CAMK1D: variants seen among roughly 807,000 people sequenced by gnomAD.
The protein encoded by CAMK1D is calcium/calmodulin dependent protein kinase ID.
A neutral mutation model predicts 47.7 loss-of-function variants in CAMK1D; 9 were observed. That is an observed-to-expected ratio of 0.19 (90% CI 0.11 to 0.33). The LOEUF (loss-of-function observed/expected upper bound fraction) is 0.33. Ranked by LOEUF, CAMK1D falls within the 10% of genes least tolerant of loss-of-function variation. CAMK1D has a pLI of 1.00. For missense variants in CAMK1D, 291 were observed against 488.7 expected (o/e 0.60, Z 3.81); for synonymous variants, 184 against 184.9 (o/e 0.99, Z 0.04).
chr10:12,523,148 G>A (rs941440564), intron 1 of CAMK1D, among the ~76,000 whole-genome samples: 17 of 151,516 alleles, frequency 1.1e-4, no homozygotes, highest in Non-Finnish European at 1.3e-4. Flanking sequence ...TCCCAGACGG[G>A]GTCGCGGCTG....
chr10:12,466,267 A>T (rs576780876), intron 1 of CAMK1D, among the ~76,000 whole-genome samples: 1 of 152,040 alleles, frequency 6.6e-6, no homozygotes, highest in African/African-American at 2.4e-5. Context: ...AATTAGCTGG[A>T]TGTGGTGGTG....
chr10:12,789,352 G>T (rs1837877167), intron 5 of CAMK1D, among the ~76,000 whole-genome samples: 4 of 152,152 alleles, frequency 2.6e-5, no homozygotes, highest in Admixed American at 2.6e-4. Context: ...GACTGAAGAC[G>T]CTCTCACCTT....
At position 12,699,396 on chromosome 10, in the gene CAMK1D, T is replaced by C. The variant is rs1344372478; in HGVS notation, c.299+32586T>C. Among the ~76,000 whole-genome samples the C allele has an allele frequency of 2.0e-5, 3 of 152,158 alleles. No individual in the cohort carries two copies. In the East Asian group the frequency reaches 5.8e-4, roughly 29 times the overall value. ...AGCGTTGTACTGGGAAAGCCGTGTT[T>C]TGTTTCCTGTTACAGTTCTTCAAGG... On this transcript the variant is annotated intron_variant, in intron 3 of 10. Coordinates refer to ENST00000619168, the MANE Select transcript of CAMK1D (RefSeq NM_153498.4).
At chr10:12,710,928 A>G (rs1833915118) in intron 3 of CAMK1D, among the ~76,000 whole-genome samples, 1 of 152,158 alleles carries the variant, frequency 6.6e-6, no homozygotes, top group African/African-American at 2.4e-5. Context: ...GTTTTCATCA[A>G]CTTGTTCAGA....
At chr10:12,424,218 A>C (rs1436425024) in intron 1 of CAMK1D, among the ~76,000 whole-genome samples, 1 of 152,062 alleles carries the variant, frequency 6.6e-6, no homozygotes, top group Admixed American at 6.6e-5. Flanking sequence ...CAGCAAGCCC[A>C]GTGTGAGTCT....
At position 12,458,195 on chromosome 10, in the gene CAMK1D, C is replaced by T. The variant is rs142099719; in HGVS notation, c.93-95030C>T. On this transcript the variant is annotated intron_variant, in intron 1 of 10. Transcript: ENST00000619168. ...ATGCACTGTCTGCTGTTGCACATGC[C>T]GAGGATACAGCTGTCAACAGAAGCA... 1.4e-3 allele frequency among the ~76,000 whole-genome samples: 216 copies of T among 152,190 alleles called. 1 individual carries two copies. The highest frequency in any genetic ancestry group is 4.9e-3 in the African/African-American group (202 of 41,510).
chr10:12,670,793 C>T (rs547849736), intron 3 of CAMK1D, among the ~76,000 whole-genome samples: 125 of 152,318 alleles, frequency 8.2e-4, no homozygotes, highest in Non-Finnish European at 1.5e-3. Flanking sequence ...AGGTGATCCA[C>T]CCACCTCAGC....
intron 1 of CAMK1D, among the ~76,000 whole-genome samples, chr10:12,546,345 G>C (rs373371086): frequency 6.7e-6 from 1 of 149,376 alleles, no homozygotes; most frequent in Non-Finnish European, 1.5e-5. Flanking sequence ...AAACCTGAAC[G>C]TAGTTGGTGA....
chr10:12,771,785 G>A (rs1837051057), intron 5 of CAMK1D, among the ~76,000 whole-genome samples: 1 of 152,214 alleles, frequency 6.6e-6, no homozygotes, highest in East Asian at 1.9e-4. Flanking sequence ...TGTAATCCCA[G>A]CACTTTGAGA....
intron 3 of CAMK1D, among the ~76,000 whole-genome samples, chr10:12,672,089 G>C (rs1840639174): frequency 6.6e-6 from 1 of 150,816 alleles, no homozygotes; most frequent in Non-Finnish European, 1.5e-5. Flanking sequence ...CTAATTTTTT[G>C]TATTTTTAGT....
At chr10:12,557,337 C>T (rs747573614) in intron 2 of CAMK1D, among the ~76,000 whole-genome samples, 7 of 152,138 alleles carry the variant, frequency 4.6e-5, no homozygotes, top group South Asian at 2.1e-4. Flanking sequence ...ATCACGAGGT[C>T]AGGAGATCGA....
At chr10:12,548,447 C>CTTTTTTTTT (rs35061502) in intron 1 of CAMK1D, among the ~76,000 whole-genome samples, 7 of 81,186 alleles carry the variant, frequency 8.6e-5, no homozygotes, top group Non-Finnish European at 1.4e-4. Context: ...CCATTTTAAG[C>CTTTTTTTTT]TTTTTTTTTT....
At chr10:12,509,342 G>A (rs548787152) in intron 1 of CAMK1D, among the ~76,000 whole-genome samples, 37 of 152,276 alleles carry the variant, frequency 2.4e-4, no homozygotes, top group African/African-American at 7.9e-4. Flanking sequence ...ATCATTCCAC[G>A]AGCTGGTCTG....
chr10:12,559,856 C>T (rs904167226), intron 2 of CAMK1D, among the ~76,000 whole-genome samples: 1 of 152,124 alleles, frequency 6.6e-6, no homozygotes, highest in South Asian at 2.1e-4. Flanking sequence ...AGGGTGAGGA[C>T]TGCTAAAGGC....
At chr10:12,788,433 A>C (rs1465593120) in intron 5 of CAMK1D, among the ~76,000 whole-genome samples, 1 of 152,180 alleles carries the variant, frequency 6.6e-6, no homozygotes, top group Admixed American at 6.5e-5. Context: ...TGTGATCTGG[A>C]ACCTAGCGCC....
intron 1 of CAMK1D, among the ~76,000 whole-genome samples, chr10:12,485,429 T>A (rs1280948543): frequency 6.6e-6 from 1 of 152,068 alleles, no homozygotes; most frequent in Non-Finnish European, 1.5e-5. Flanking sequence ...GTGGTGAAGC[T>A]TGGGCCCCAG....
intron 3 of CAMK1D, among the ~76,000 whole-genome samples, chr10:12,715,186 C>T (rs1443608617): frequency 2.0e-5 from 3 of 152,146 alleles, no homozygotes; most frequent in Admixed American, 6.6e-5. Flanking sequence ...ACGTATGAGT[C>T]GTCACAGTTC....
At chr10:12,758,367 AAT>A (rs1400449924) in intron 3 of CAMK1D, among the ~76,000 whole-genome samples, 3 of 98,104 alleles carry the variant, frequency 3.1e-5, no homozygotes, top group Non-Finnish European at 4.6e-5. Context: ...TAGTCATAAA[AAT>A]ATATGACAAT....
intron 2 of CAMK1D, among the ~76,000 whole-genome samples, chr10:12,589,855 G>A (rs1258083373): frequency 6.6e-6 from 1 of 152,118 alleles, no homozygotes; most frequent in Non-Finnish European, 1.5e-5. Flanking sequence ...AGAACATCTT[G>A]TAAAATACAG....
Sources: allele counts gnomAD v4.1 joint callset (sites outside exome capture counted in the v4.1 genomes callset), GRCh38; gene constraint gnomAD v4.1.1; transcripts MANE v1.5; gene names NCBI Gene and HGNC (gene_info 2026-07-23, HGNC 2026-07-21).